Variants in CNTN5 observed in about 807,000 individuals in gnomAD.
The protein encoded by CNTN5 is contactin 5.
A neutral mutation model predicts 129.1 loss-of-function variants in CNTN5; 77 were observed. That is an observed-to-expected ratio of 0.60 (90% CI 0.50 to 0.72). The LOEUF (loss-of-function observed/expected upper bound fraction) is 0.72, where lower values mean the gene tolerates loss of function less well. CNTN5 is among the 30% of genes least tolerant of loss of function. The probability of loss-of-function intolerance (pLI) is 0.00; values close to 1 mark genes in which losing one functional copy is unlikely to be tolerated. For synonymous variants in CNTN5, 509 were observed against 465.6 expected, an observed-to-expected ratio of 1.09 and a Z score of -1.20; for missense variants, 1,478 against 1,328.8, an observed-to-expected ratio of 1.11 and a Z score of -1.75.
chr11:99,702,342 C>T (rs908708901), intron 3 of CNTN5, among the ~76,000 whole-genome samples: 3 of 150,820 alleles, frequency 2.0e-5, no homozygotes, highest in African/African-American at 4.8e-5. Context: ...TGTCACCAAC[C>T]GAACACACAG....
intron 15 of CNTN5, among the ~76,000 whole-genome samples, chr11:100,200,975 C>T (rs547998017): frequency 1.3e-5 from 2 of 151,774 alleles, no homozygotes; most frequent in East Asian, 3.9e-4. Flanking sequence ...TTTAATAATC[C>T]TATATTCTCA....
At chr11:99,935,445 C>T (rs865954023) in intron 7 of CNTN5, among the ~76,000 whole-genome samples, 6 of 151,748 alleles carry the variant, frequency 4.0e-5, no homozygotes, top group Non-Finnish European at 7.4e-5. Flanking sequence ...TTTTTAATGG[C>T]TGTATGTATT....
chr11:99,050,751 AT>A (rs1864393868), intron 1 of CNTN5, among the ~76,000 whole-genome samples: 1 of 135,430 alleles, frequency 7.4e-6, no homozygotes, highest in Admixed American at 7.9e-5. Flanking sequence ...CAGAATTTTC[AT>A]TTTTTTCCTC....
At chr11:99,711,894 G>T (rs1391601833) in intron 3 of CNTN5, among the ~76,000 whole-genome samples, 1 of 152,002 alleles carries the variant, frequency 6.6e-6, no homozygotes, top group Non-Finnish European at 1.5e-5. Context: ...ATGGGTATTT[G>T]GGCTGGTTCC....
chr11:99,395,249 G>T (rs1403663209), intron 2 of CNTN5, among the ~76,000 whole-genome samples: 2 of 151,856 alleles, frequency 1.3e-5, no homozygotes, highest in Admixed American at 1.3e-4. Flanking sequence ...GGTGTGAGAT[G>T]GTATCTCATT....
intron 13 of CNTN5, among the ~76,000 whole-genome samples, chr11:100,182,675 T>C (rs1350532292): frequency 6.6e-6 from 1 of 151,846 alleles, no homozygotes; most frequent in Non-Finnish European, 1.5e-5. Context: ...GACATAAACA[T>C]CAAATTTAAA....
intron 2 of CNTN5, among the ~76,000 whole-genome samples, chr11:99,393,902 T>C (rs1309229546): frequency 6.6e-6 from 1 of 151,718 alleles, no homozygotes; most frequent in African/African-American, 2.4e-5. Flanking sequence ...AGTAGGTAAA[T>C]AGCCTATAGG....
At chr11:99,034,394 G>T (rs1453095181) in intron 1 of CNTN5, among the ~76,000 whole-genome samples, 2 of 151,612 alleles carry the variant, frequency 1.3e-5, no homozygotes, top group African/African-American at 4.9e-5. Context: ...GAATCCATCT[G>T]GTCCTGGACT....
intron 18 of CNTN5, among the ~76,000 whole-genome samples, chr11:100,283,079 C>T (rs942863111): frequency 6.6e-6 from 1 of 152,218 alleles, no homozygotes; most frequent in Admixed American, 6.5e-5. Flanking sequence ...GTTCTCTACA[C>T]CTCTGTGGCT....
chr11:99,540,160 A>G (rs1300596053), intron 2 of CNTN5, among the ~76,000 whole-genome samples: 9 of 152,272 alleles, frequency 5.9e-5, no homozygotes, highest in African/African-American at 1.9e-4. Flanking sequence ...CCTGTAGAGT[A>G]AGAAGCTTCT....
chr11:100,057,408 T>G (rs1035351092), intron 9 of CNTN5, among the ~76,000 whole-genome samples: 2 of 151,526 alleles, frequency 1.3e-5, no homozygotes, highest in Non-Finnish European at 3.0e-5. Context: ...ACTTATTATA[T>G]CTATCATTTA....
At chr11:99,776,038 T>C (rs888196463) in intron 3 of CNTN5, among the ~76,000 whole-genome samples, 1 of 152,052 alleles carries the variant, frequency 6.6e-6, no homozygotes, top group Non-Finnish European at 1.5e-5. Flanking sequence ...TTTGGTATTC[T>C]AGGTAAAATT....
chr11:99,985,404 C>T (rs1938613106), intron 8 of CNTN5, among the ~76,000 whole-genome samples: 1 of 152,110 alleles, frequency 6.6e-6, no homozygotes, highest in African/African-American at 2.4e-5. Flanking sequence ...GCTCTGAAGT[C>T]CAGCTGTCTC....
chr11:99,217,365 A>G (rs529180247), intron 1 of CNTN5, among the ~76,000 whole-genome samples: 1 of 152,338 alleles, frequency 6.6e-6, no homozygotes, highest in Admixed American at 6.5e-5. Context: ...AATGCTGATC[A>G]AAACAATAAT....
intron 2 of CNTN5, among the ~76,000 whole-genome samples, chr11:99,386,528 A>T (rs1400261370): frequency 6.7e-6 from 1 of 149,446 alleles, no homozygotes; most frequent in Non-Finnish European, 1.5e-5. Flanking sequence ...GCCAGAAGTC[A>T]CTCTCATGGC....
At chr11:99,610,014 ACTGTTAATC>A (rs1950548017) in intron 3 of CNTN5, among the ~76,000 whole-genome samples, 1 of 152,128 alleles carries the variant, frequency 6.6e-6, no homozygotes, top group African/African-American at 2.4e-5. Context: ...GATAAATTGC[ACTGTTAATC>A]CTTTTAATAC....
At chr11:99,666,751 G>A (rs1377267650) in intron 3 of CNTN5, among the ~76,000 whole-genome samples, 1 of 152,090 alleles carries the variant, frequency 6.6e-6, no homozygotes, top group Non-Finnish European at 1.5e-5. Context: ...CAGAAACCAG[G>A]GCATGACTGG....
At chr11:99,665,985 CAG>C (rs1195887307) in intron 3 of CNTN5, among the ~76,000 whole-genome samples, 7 of 151,218 alleles carry the variant, frequency 4.6e-5, no homozygotes, top group African/African-American at 1.5e-4. Flanking sequence ...TTTTTTGAGA[CAG>C]AGTGTCCTGC....
intron 2 of CNTN5, among the ~76,000 whole-genome samples, chr11:99,533,342 C>T (rs1183232832): frequency 6.6e-6 from 1 of 152,236 alleles, no homozygotes; most frequent in Admixed American, 6.5e-5. Flanking sequence ...TTCCTGATAT[C>T]CAGCAGCTAA....
Sources: allele counts gnomAD v4.1 joint callset (sites outside exome capture counted in the v4.1 genomes callset), GRCh38; gene constraint gnomAD v4.1.1; transcripts MANE v1.5; gene names NCBI Gene and HGNC (gene_info 2026-07-23, HGNC 2026-07-21).